The following GSE1 variants were observed in gnomAD, a reference collection of about 807,000 sequenced individuals.
GSE1 encodes genetic suppressor element 1.
GSE1 carries 32 observed loss-of-function variants against 112.6 expected under a neutral mutation model. The ratio of observed to expected loss-of-function variants is 0.28; its 90% CI spans 0.21 to 0.38. GSE1 has a LOEUF of 0.38. Ranked by LOEUF, GSE1 falls within the 10% of genes least tolerant of loss-of-function variation. The probability of loss-of-function intolerance (pLI) is 1.00; values close to 1 mark genes in which losing one functional copy is unlikely to be tolerated. For synonymous variants in GSE1, 1,115 were observed against 735.6 expected (o/e 1.52, Z -8.35); for missense variants, 2,348 against 1,699.2 (o/e 1.38, Z -6.71).
chr16:85,415,920 C>T (rs184473136), intron 2 of GSE1, among the ~76,000 whole-genome samples: 23 of 152,308 alleles, frequency 1.5e-4, no homozygotes, highest in African/African-American at 5.5e-4. Context: ...GCGGACCCAT[C>T]GAAGGCCGAG....
At chr16:85,471,372 G>A (rs1386818406) in intron 2 of GSE1, among the ~76,000 whole-genome samples, 1 of 152,190 alleles carries the variant, frequency 6.6e-6, no homozygotes, top group African/African-American at 2.4e-5. Flanking sequence ...TGGTACCATA[G>A]GTCAGGCTCA....
At chr16:85,659,158 G>A (rs1384204119) in intron 8 of GSE1, among the ~76,000 whole-genome samples, 3 of 152,216 alleles carry the variant, frequency 2.0e-5, no homozygotes, top group East Asian at 1.9e-4. Flanking sequence ...GGACAGCAGC[G>A]TCGGATTTGT....
At position 85,675,773 on chromosome 16, in the gene GSE1, C is replaced by G. The variant is rs1313510315; in HGVS notation, c.*3234C>G. ...ACAAGATGGAGATGGTCAGCACAAA[C>G]CGATTCTGTTCCTCTTTAAAGTGTA... On this transcript the variant is annotated 3_prime_UTR_variant, in exon 16 of 16. Coordinates refer to ENST00000253458, the MANE Select transcript of GSE1 (RefSeq NM_014615.5). 1 of 152,258 alleles carries G rather than the reference C, an allele frequency of 6.6e-6. No homozygotes were observed. Among genetic ancestry groups the G allele is most frequent in the African/African-American group, 2.4e-5 (1 of 41,468 alleles). 9.4% of individuals were successfully genotyped at this position (152,258 alleles called of 1,614,324 possible). A position where few individuals can be genotyped will look rare whatever the true frequency, so the allele number is the denominator to read the frequency against.
intron 1 of GSE1, among the ~76,000 whole-genome samples, chr16:85,615,621 G>T (rs2048325151): frequency 6.6e-6 from 1 of 152,210 alleles, no homozygotes; most frequent in Non-Finnish European, 1.5e-5. Context: ...AGGTCGGGAA[G>T]TCCTAGTTCT....
intron 2 of GSE1, among the ~76,000 whole-genome samples, chr16:85,456,570 T>C (rs1430536408): frequency 1.6e-5 from 2 of 121,374 alleles, no homozygotes; most frequent in Non-Finnish European, 3.4e-5. Flanking sequence ...GGGAGGGTCA[T>C]TTTCCTGCCG....
intron 2 of GSE1, among the ~76,000 whole-genome samples, chr16:85,415,566 A>G (rs12920392): frequency 0.14 from 21,858 of 152,206 alleles, 1,659 homozygotes; most frequent in Middle Eastern, 0.24. Context: ...CCCGTCCCCT[A>G]CCAGCCAGGG....
rs2051216776 is a variant in GSE1 at position 85,650,188 on chromosome 16, C to T, written c.426+1437C>T. Among the ~76,000 whole-genome samples the T allele has an allele frequency of 2.6e-5, 4 of 152,192 alleles. No homozygotes were observed. The South Asian group carries it at 8.3e-4, about 31-fold the overall frequency. On this transcript the variant is annotated intron_variant, in intron 3 of 15. Coordinates refer to ENST00000253458, the MANE Select transcript of GSE1 (RefSeq NM_014615.5). ...ACCCTGGCCACAGGGGCCTCCACAC[C>T]CCACAGGGCTTGGAGCAGCCCAAGG...
chr16:85,292,804 A>AT (rs1332041762), intron 1 of GSE1, among the ~76,000 whole-genome samples: 1 of 152,218 alleles, frequency 6.6e-6, no homozygotes, highest in Non-Finnish European at 1.5e-5. Context: ...CATTTCACAC[A>AT]TTCACGACAG....
At chr16:85,618,910 C>G (rs567431828) in intron 1 of GSE1, among the ~76,000 whole-genome samples, 7 of 152,346 alleles carry the variant, frequency 4.6e-5, no homozygotes, top group African/African-American at 1.7e-4. Context: ...GTGATCCTTC[C>G]GTCTCAGCCT....
chr16:85,258,279 G>A (rs542650273), intron 1 of GSE1, among the ~76,000 whole-genome samples: 1 of 152,318 alleles, frequency 6.6e-6, no homozygotes, highest in East Asian at 1.9e-4. Context: ...CAGTTCCCTT[G>A]AGGGGCTGAC....
At chr16:85,479,779 G>T (rs1427927104) in intron 2 of GSE1, among the ~76,000 whole-genome samples, 1 of 152,184 alleles carries the variant, frequency 6.6e-6, no homozygotes, top group South Asian at 2.1e-4. Context: ...GTCACTGTGT[G>T]CCAGGTGCCG....
intron 1 of GSE1, among the ~76,000 whole-genome samples, chr16:85,620,739 G>A (rs1016252481): frequency 1.3e-4 from 20 of 152,244 alleles, no homozygotes; most frequent in African/African-American, 4.8e-4. Flanking sequence ...CTCAGCCTTG[G>A]GTCTCTGCAC....
At position 85,373,152 on chromosome 16, in the gene GSE1, T is replaced by C. The variant is rs917052512; in HGVS notation, c.2464+15509T>C. Among the ~76,000 whole-genome samples the C allele has an allele frequency of 2.0e-5, 3 of 152,214 alleles. No homozygotes were observed. The highest frequency in any genetic ancestry group is 6.5e-5 in the Admixed American group (1 of 15,288). On this transcript the variant is annotated intron_variant, in intron 2 of 2. Transcript: ENST00000637419. This position sits in a 1 kb window ranked among gnomAD's most constrained non-coding sequence, Gnocchi z 5.1. ...AGGTGTCAGCAACAGCAGCAGCCAA[T>C]GTGGCCATGGGATGCCGGCTCCTTG...
chr16:85,477,556 T>G (rs537076217), intron 2 of GSE1, among the ~76,000 whole-genome samples: 196 of 127,068 alleles, frequency 1.5e-3, no homozygotes, highest in Non-Finnish European at 2.7e-3. Context: ...AGGTCTTAGG[T>G]TTTTTTTTTG....
In GSE1 at chr16:85,519,558, CTATCAT is replaced by C. The variant is rs1424389158; in HGVS notation, c.2465-114355_2465-114350del. On this transcript the variant is annotated intron_variant, in intron 2 of 2. Coordinates refer to the GSE1 transcript ENST00000637419. ...ACCATCATCACTATTACCACCATCA[CTATCAT>C]CATCACCATCACCAGTCTCCATCAT... is the stretch of plus-strand genomic sequence containing the variant. Among the ~76,000 whole-genome samples, 127 of 21,928 alleles carry C rather than the reference CTATCAT, an allele frequency of 5.8e-3. 18 individuals carry two copies. The highest frequency in any genetic ancestry group is 0.01 in the Non-Finnish European group (70 of 6,898). The allele number at this position is 21,928 out of a possible 152,430, so 14.4% of individuals were successfully genotyped here. A position where few individuals can be genotyped will look rare whatever the true frequency, so the allele number is the denominator to read the frequency against.
rs370390639 is a variant in GSE1 at position 85,374,199 on chromosome 16, C to T, written c.2464+16556C>T. On this transcript the variant is annotated intron_variant, in intron 2 of 2. Transcript: ENST00000637419. ...GTGTCAGTGTGCCTCTGTGTGTTCACGCGTGGCCCTCGGTGTGCAGTGTGT... is the reference window on the plus strand; with the variant it reads ...GTGTCAGTGTGCCTCTGTGTGTTCATGCGTGGCCCTCGGTGTGCAGTGTGT... 3.0e-4 allele frequency among the ~76,000 whole-genome samples: 42 copies of T among 140,542 alleles called. 1 individual carries two copies. The highest frequency in any genetic ancestry group is 8.9e-4 in the African/African-American group (33 of 36,876). 92.2% of individuals were successfully genotyped at this position (140,542 alleles called of 152,430 possible). A position where few individuals can be genotyped will look rare whatever the true frequency, so the allele number is the denominator to read the frequency against.
chr16:85,223,416 G>A (rs188452708), intron 1 of GSE1, among the ~76,000 whole-genome samples: 10 of 147,478 alleles, frequency 6.8e-5, no homozygotes, highest in East Asian at 4.1e-4. Flanking sequence ...CCAGCTAATC[G>A]GGAGGCTGAG....
intron 2 of GSE1, among the ~76,000 whole-genome samples, chr16:85,528,506 T>C (rs2052436635): frequency 6.6e-6 from 1 of 150,666 alleles, no homozygotes; most frequent in African/African-American, 2.5e-5. Flanking sequence ...TAATTTTTAG[T>C]AGAGATGAGA....
At chr16:85,657,105 C>T (rs2052025812) in intron 7 of GSE1, among the ~76,000 whole-genome samples, 172 bp from the exon 8 acceptor site, 1 of 152,216 alleles carries the variant, frequency 6.6e-6, no homozygotes, top group African/African-American at 2.4e-5. Context: ...AGGGACAAGA[C>T]ATGCTTCTTG....
Sources: gnomAD v4.1 joint callset for allele counts (sites outside exome capture counted in the v4.1 genomes callset) on GRCh38, gnomAD v4.1.1 for gene constraint, Gnocchi (gnomAD v3.1) non-coding constraint, MANE v1.5 for transcripts, NCBI Gene and HGNC (gene_info 2026-07-23, HGNC 2026-07-21) for gene names.